The following SYCP2L variants were observed in gnomAD, a reference collection of about 807,000 sequenced individuals.
SYCP2L encodes the protein synaptonemal complex protein 2 like, also known as synaptonemal complex protein 2-like.
SYCP2L carries 98 observed loss-of-function variants against 125.8 expected under a neutral mutation model. The observed-to-expected ratio is 0.78, with a 90% CI of 0.66 to 0.92. SYCP2L has a LOEUF of 0.92. Ranked by LOEUF, SYCP2L falls within the 40% of genes least tolerant of loss-of-function variation. The pLI is 0.00. For missense variants in SYCP2L, 842 were observed against 936.4 expected, an observed-to-expected ratio of 0.90 and a Z score of 1.32; for synonymous variants, 317 against 325.4, an observed-to-expected ratio of 0.97 and a Z score of 0.28.
At chr6:10,888,730 A>G (rs932855280) in intron 1 of SYCP2L, among the ~76,000 whole-genome samples, 1 of 152,220 alleles carries the variant, frequency 6.6e-6, no homozygotes, top group African/African-American at 2.4e-5. Flanking sequence ...AAAGAAGCTT[A>G]ACATAAAGGC....
intron 1 of SYCP2L, among the ~76,000 whole-genome samples, chr6:10,887,461 C>A (rs1234064513): frequency 6.6e-6 from 1 of 152,202 alleles, no homozygotes; most frequent in Non-Finnish European, 1.5e-5. Flanking sequence ...CCTCTTTCCA[C>A]CTTGCTGCGT....
Position 10,906,659 on chromosome 6 carries a change from G to A in SYCP2L, c.676+605G>A, listed in dbSNP as rs943186311. 9.3e-5 allele frequency among the ~76,000 whole-genome samples: 14 copies of A among 150,658 alleles called. No homozygotes were observed. The South Asian group carries it at 1.0e-3, about 11-fold the overall frequency. On this transcript the variant is annotated intron_variant, in intron 9 of 29. Coordinates refer to ENST00000283141, the MANE Select transcript of SYCP2L (RefSeq NM_001040274.3). The stretch of plus-strand genomic sequence containing the variant: ...GTTGGCCAGGCTGGAGTGCAATGGC[G>A]CGATCTCGGCTCACTGCAGCCTCCG...
intron 14 of SYCP2L, among the ~76,000 whole-genome samples, chr6:10,920,783 CAG>C (rs1780785076): frequency 6.7e-6 from 1 of 150,220 alleles, no homozygotes; most frequent in Non-Finnish European, 1.5e-5. Flanking sequence ...CTCTGCAGGA[CAG>C]AGAGTGCCTC....
At position 10,907,607 on chromosome 6, in the gene SYCP2L, G is replaced by A. The variant is rs1177283800; in HGVS notation, c.742G>A (p.Glu248Lys). Reference sequence around the variant, plus strand: ...ACTGACGATTAAAAAATCAAGGGATGAACTTGTCCATAAATGGTTTGATGA... The same window carrying A: ...ACTGACGATTAAAAAATCAAGGGATAAACTTGTCCATAAATGGTTTGATGA... ...CRLTIKKSRD[E>K]LVHKWFDDEV... The change falls in exon 10 of 30, where the codon GAA (glutamate) becomes AAA (lysine). Residue 248 changes from glutamate to lysine, a missense_variant. Glu to Lys is a moderately conservative substitution (Grantham distance 56). Transcript: ENST00000283141. The A allele has an allele frequency of 6.2e-7, 1 of 1,613,854 alleles. No homozygotes were observed. The highest frequency in any genetic ancestry group is 1.1e-5 in the South Asian group (1 of 91,054).
At chr6:10,958,916 C>CAAA (rs1401389746) in intron 26 of SYCP2L, 41 bp downstream of exon 26, 2 of 1,553,104 alleles carry the variant, frequency 1.3e-6, no homozygotes, top group Non-Finnish European at 1.8e-6. Flanking sequence ...GAAGTGTGAT[C>CAAA]ACTCACCAAC....
At chr6:10,923,861 T>C (rs1428509179) in intron 14 of SYCP2L, among the ~76,000 whole-genome samples, 1 of 151,484 alleles carries the variant, frequency 6.6e-6, no homozygotes, top group Admixed American at 6.6e-5. Context: ...TTTTTTTGTA[T>C]TTTTAGCAGA....
Position 10,955,096 on chromosome 6 carries a change from T to C in SYCP2L, c.1955-20T>C, listed in dbSNP as rs766483129. ...AAGATAATTTCGGGTCAAAAGGAAA[T>C]GTGCTCTGTTTGCCTGTAGACATAC... On this transcript the variant is annotated intron_variant, in intron 23 of 29. Transcript: ENST00000283141. 9.7e-6 allele frequency: 15 copies of C among 1,549,902 alleles called. No individual in the cohort carries two copies. In the South Asian group the frequency reaches 1.7e-4, roughly 17 times the overall value.
At chr6:10,910,007 TAAC>T in intron 10 of SYCP2L, 138 bp from the exon 11 acceptor site, 1 of 636,784 alleles carries the variant, frequency 1.6e-6, no homozygotes, top group Non-Finnish European at 2.7e-6. Context: ...TAACATATAA[TAAC>T]AAATCCTTGT....
At chr6:10,888,879 T>C (rs899053335) in intron 1 of SYCP2L, among the ~76,000 whole-genome samples, 12 of 152,170 alleles carry the variant, frequency 7.9e-5, no homozygotes, top group Admixed American at 7.2e-4. Flanking sequence ...CTTTTTTTTT[T>C]GATACGGAGT....
intron 25 of SYCP2L, among the ~76,000 whole-genome samples, chr6:10,958,574 AT>A (rs1240801229): frequency 2.0e-5 from 3 of 152,014 alleles, no homozygotes; most frequent in Non-Finnish European, 4.4e-5. Flanking sequence ...ATGAGTGTAA[AT>A]TTTTCTATTT....
intron 29 of SYCP2L, among the ~76,000 whole-genome samples, chr6:10,969,219 G>A (rs987850628): frequency 1.7e-4 from 26 of 152,232 alleles, no homozygotes; most frequent in African/African-American, 5.5e-4. Context: ...GAGTATAGTA[G>A]TTATTTTTGC....
At chr6:10,898,383 G>A (rs1279100949) in intron 5 of SYCP2L, among the ~76,000 whole-genome samples, 1 of 152,008 alleles carries the variant, frequency 6.6e-6, no homozygotes, top group East Asian at 1.9e-4. Flanking sequence ...CGTGGTGGTG[G>A]GCGCCTGTAA....
chr6:10,967,618 T>C (rs1012797236), intron 29 of SYCP2L, among the ~76,000 whole-genome samples: 7 of 152,200 alleles, frequency 4.6e-5, no homozygotes, highest in African/African-American at 1.4e-4. Flanking sequence ...CACATACTTA[T>C]TCTAGTAAAT....
At chr6:10,888,061 A>C (rs1438479298) in intron 1 of SYCP2L, among the ~76,000 whole-genome samples, 17 of 115,814 alleles carry the variant, frequency 1.5e-4, no homozygotes, top group African/African-American at 5.1e-4. Flanking sequence ...TATAGGTGTT[A>C]CCATCTTTTT....
chr6:10,964,185 C>A (rs967354119), intron 29 of SYCP2L, among the ~76,000 whole-genome samples: 2 of 152,138 alleles, frequency 1.3e-5, no homozygotes, highest in Non-Finnish European at 2.9e-5. Context: ...TCTCGATCTC[C>A]TGACCATGTG....
At position 10,893,864 on chromosome 6, in the gene SYCP2L, C is replaced by T. The variant is rs751163359; in HGVS notation, c.79-3C>T. ...AGTAATTTGCAAACTATCATCTTTC[C>T]AGCTTCAATCACTTATTACGGATGC... is the stretch of plus-strand genomic sequence containing the variant. On this transcript the variant is annotated splice_polypyrimidine_tract_variant and splice_region_variant and intron_variant, in intron 2 of 29. Coordinates refer to ENST00000283141, the MANE Select transcript of SYCP2L (RefSeq NM_001040274.3). The T allele has an allele frequency of 1.2e-6, 2 of 1,603,948 alleles. No homozygotes were observed. The highest frequency in any genetic ancestry group is 2.2e-5 in the East Asian group (1 of 44,738).
At chr6:10,902,194 AC>A (rs1780388539) in intron 6 of SYCP2L, among the ~76,000 whole-genome samples, 1 of 152,222 alleles carries the variant, frequency 6.6e-6, no homozygotes, top group Non-Finnish European at 1.5e-5. Context: ...TGGGGAGGCC[AC>A]CAAAAAGTCC....
Position 10,966,571 on chromosome 6 carries a change from T to G in SYCP2L, c.*37+2728T>G, listed in dbSNP as rs78540277. ...ATTCCCCAAAGCCCCAGCAGGGTTA[T>G]TTTTTGAAACTTGACCAGCTGATTC... On this transcript the variant is annotated intron_variant, in intron 29 of 29. Transcript: ENST00000283141. Among the ~76,000 whole-genome samples, 608 of 152,308 alleles carry G rather than the reference T, an allele frequency of 4.0e-3. 6 individuals carry two copies. The highest frequency in any genetic ancestry group is 0.021 in the South Asian group (101 of 4,828).
chr6:10,931,990 C>T (rs865938098), intron 20 of SYCP2L, among the ~76,000 whole-genome samples: 50 of 116,410 alleles, frequency 4.3e-4, no homozygotes, highest in East Asian at 1.1e-3. Flanking sequence ...GATTGAGGGT[C>T]TTTTTTTTTT....
Sources: allele counts gnomAD v4.1 joint callset (sites outside exome capture counted in the v4.1 genomes callset), GRCh38; gene constraint gnomAD v4.1.1; transcripts MANE v1.5; gene names NCBI Gene and HGNC (gene_info 2026-07-23, HGNC 2026-07-21).